Variants in NPAS3 observed in about 807,000 individuals in gnomAD.
NPAS3 encodes neuronal PAS domain-containing protein 3.
NPAS3 carries 14 observed loss-of-function variants against 73.1 expected under a neutral mutation model. That is an observed-to-expected ratio of 0.19 (90% CI 0.13 to 0.30). The LOEUF (loss-of-function observed/expected upper bound fraction) is 0.30, where lower values mean the gene tolerates loss of function less well. Ranked by LOEUF, NPAS3 falls within the 10% of genes least tolerant of loss-of-function variation. The pLI is 1.00. For missense variants in NPAS3, 1,096 were observed against 1,250.0 expected, an observed-to-expected ratio of 0.88 and a Z score of 1.86; for synonymous variants, 620 against 541.5, an observed-to-expected ratio of 1.14 and a Z score of -2.01.
chr14:33,380,829 C>A (rs1335065879), intron 4 of NPAS3, among the ~76,000 whole-genome samples: 2 of 152,130 alleles, frequency 1.3e-5, no homozygotes, highest in Non-Finnish European at 2.9e-5. Flanking sequence ...AGCTCTTTCC[C>A]TCAATTCTAA....
intron 2 of NPAS3, among the ~76,000 whole-genome samples, chr14:33,129,153 C>T (rs1566590365): frequency 6.6e-6 from 1 of 152,142 alleles, no homozygotes; most frequent in Non-Finnish European, 1.5e-5. Flanking sequence ...CTGGGCTCCA[C>T]TCACTGATTG....
chr14:33,153,033 C>A (rs1489492249), intron 2 of NPAS3, among the ~76,000 whole-genome samples: 1 of 151,634 alleles, frequency 6.6e-6, no homozygotes, highest in South Asian at 2.1e-4. Context: ...GACTGGTTTT[C>A]TCTCATTTTT....
intron 2 of NPAS3, among the ~76,000 whole-genome samples, chr14:33,158,824 T>TAA (rs923749166): frequency 1.3e-5 from 2 of 152,172 alleles, no homozygotes; most frequent in African/African-American, 4.8e-5. Flanking sequence ...TTGATTATTG[T>TAA]AGTTAGGGAA....
intron 4 of NPAS3, among the ~76,000 whole-genome samples, chr14:33,528,259 G>A (rs2053890026): frequency 6.6e-6 from 1 of 151,820 alleles, no homozygotes; most frequent in East Asian, 2.0e-4. Context: ...TGACCTCAAA[G>A]CCTAAGCTTT....
chr14:33,094,647 G>A (rs1357728256), intron 2 of NPAS3, among the ~76,000 whole-genome samples: 4 of 151,856 alleles, frequency 2.6e-5, no homozygotes, highest in South Asian at 4.2e-4. Flanking sequence ...TGTATTTTTC[G>A]TAGAGATGAG....
intron 4 of NPAS3, among the ~76,000 whole-genome samples, chr14:33,386,273 T>C (rs772650670): frequency 6.6e-6 from 1 of 152,218 alleles, no homozygotes; most frequent in Non-Finnish European, 1.5e-5. Context: ...CTATGAACTA[T>C]GAGTATTTGC....
chr14:33,171,451 C>T (rs986746969), intron 2 of NPAS3, among the ~76,000 whole-genome samples: 38 of 152,308 alleles, frequency 2.5e-4, no homozygotes, highest in African/African-American at 9.1e-4. Flanking sequence ...TCCATCAGCA[C>T]TTGCTGCTTC....
chr14:33,800,499 T>A lies in NPAS3; in HGVS notation c.2192T>A (p.Phe731Tyr), dbSNP rs1466670145. The change falls in exon 12 of 12, where the codon TTC (phenylalanine) becomes TAC (tyrosine). Residue 731 changes from phenylalanine (F) to tyrosine (Y), a missense_variant. Physicochemically the swap from Phe to Tyr is conservative, Grantham distance 22. This residue lies in a region of NPAS3 where 698 missense variants were observed against 676.7 expected (regional missense o/e 1.03). Transcript: ENST00000356141. The surrounding 1 kb of genome is among the most constrained non-coding windows in gnomAD (Gnocchi z 6.5). ...GGCGCGGCCGCCCGCAAGACTCAGT[T>A]CGGCGCCTCGGCCACCGCGGCCCTG... 6 of 1,441,048 alleles carry A rather than the reference T, an allele frequency of 4.2e-6. No individual in the cohort carries two copies. Among genetic ancestry groups the A allele is most frequent in the Non-Finnish European group, 5.4e-6 (6 of 1,104,950 alleles). 89.3% of individuals were successfully genotyped at this position (1,441,048 alleles called of 1,614,324 possible). A position where few individuals can be genotyped will look rare whatever the true frequency, so the allele number is the denominator to read the frequency against.
At chr14:33,408,326 C>T (rs554599349) in intron 4 of NPAS3, among the ~76,000 whole-genome samples, 2 of 152,130 alleles carry the variant, frequency 1.3e-5, no homozygotes, top group South Asian at 4.2e-4. Flanking sequence ...AAAACATCTC[C>T]AGGTGGGTTG....
intron 5 of NPAS3, among the ~76,000 whole-genome samples, chr14:33,653,961 A>G (rs1232565740): frequency 6.6e-6 from 1 of 152,206 alleles, no homozygotes; most frequent in African/African-American, 2.4e-5. Context: ...GTTTGTTCAC[A>G]AAAGAGAAAG....
chr14:32,984,769 T>C (rs2038033827), intron 1 of NPAS3, among the ~76,000 whole-genome samples: 1 of 152,156 alleles, frequency 6.6e-6, no homozygotes, highest in African/African-American at 2.4e-5. Flanking sequence ...TTTTCTTTTG[T>C]AGGGTGGAAA....
chr14:33,800,353 G>A lies in NPAS3; in HGVS notation c.2046G>A (p.Met682Ile), dbSNP rs1482840934. ...CCAGGAACGAGTCCCCCTACAGCAT[G>A]ACCAAGCCCCCCAGCTCTGAGCACT... Residue 682 changes from methionine (M) to isoleucine (I), a missense_variant, in exon 12 of 12, where the codon ATG becomes ATA. Met to Ile is a conservative substitution (Grantham distance 10, BLOSUM62 1). This residue lies in a region of NPAS3 where 698 missense variants were observed against 676.7 expected (regional missense o/e 1.03). Coordinates refer to ENST00000356141, the Ensembl canonical transcript of NPAS3. The surrounding 1 kb of genome is among the most constrained non-coding windows in gnomAD (Gnocchi z 6.5). 1 of 1,612,564 alleles carries A rather than the reference G, an allele frequency of 6.2e-7. No homozygotes were observed. The highest frequency in any genetic ancestry group is 8.5e-7 in the Non-Finnish European group (1 of 1,179,378).
At position 33,674,801 on chromosome 14, in the gene NPAS3, C is replaced by T. The variant is rs2059712411; in HGVS notation, c.559-1410C>T. Among the ~76,000 whole-genome samples, 3 of 152,252 alleles carry T rather than the reference C, an allele frequency of 2.0e-5. 1 individual carries two copies. In the South Asian group the frequency reaches 6.2e-4, roughly 32 times the overall value. On this transcript the variant is annotated intron_variant, in intron 5 of 11. Coordinates refer to ENST00000356141, the Ensembl canonical transcript of NPAS3. ...TTAGCCTCCTGTTTTTCTGACTATA[C>T]CTATGTTAACTGATAGATGTGGAAG...
chr14:33,296,429 G>A (rs375762456), intron 3 of NPAS3, among the ~76,000 whole-genome samples: 1 of 152,142 alleles, frequency 6.6e-6, no homozygotes, highest in African/African-American at 2.4e-5. Context: ...ATTCTTCCAT[G>A]CCTATCTATC....
At chr14:33,564,022 A>T (rs1219312081) in intron 5 of NPAS3, among the ~76,000 whole-genome samples, 1 of 152,226 alleles carries the variant, frequency 6.6e-6, no homozygotes, top group Non-Finnish European at 1.5e-5. Flanking sequence ...TTGTTGGCTT[A>T]TACTCTCCTC....
chr14:33,575,034 A>T (rs1250880271), intron 5 of NPAS3, among the ~76,000 whole-genome samples: 1 of 152,240 alleles, frequency 6.6e-6, no homozygotes, highest in Admixed American at 6.5e-5. Flanking sequence ...AAAGCAGGAA[A>T]GGCCAGTCTC....
At chr14:33,551,007 T>G (rs1282275353) in intron 4 of NPAS3, among the ~76,000 whole-genome samples, 1 of 152,206 alleles carries the variant, frequency 6.6e-6, no homozygotes, top group Non-Finnish European at 1.5e-5. Flanking sequence ...TACTAAAAAT[T>G]AATTGTTAAT....
intron 2 of NPAS3, among the ~76,000 whole-genome samples, chr14:33,139,745 C>G (rs181877121): frequency 1.3e-5 from 2 of 152,324 alleles, no homozygotes; most frequent in Non-Finnish European, 2.9e-5. Context: ...CTCAGTTGCA[C>G]TAGCCTCATT....
chr14:33,210,655 A>G (rs1019701742), intron 2 of NPAS3, among the ~76,000 whole-genome samples: 1 of 152,138 alleles, frequency 6.6e-6, no homozygotes, highest in African/African-American at 2.4e-5. Context: ...TAGCATTTTC[A>G]CAATCTTCCT....
Sources: gnomAD v4.1 joint callset for allele counts (sites outside exome capture counted in the v4.1 genomes callset) on GRCh38, gnomAD v4.1.1 for gene constraint, gnomAD v4.1.1 regional missense constraint, Gnocchi (gnomAD v3.1) non-coding constraint, MANE v1.5 for transcripts, NCBI Gene and HGNC (gene_info 2026-07-23, HGNC 2026-07-21) for gene names.